SUMF1: variants seen among roughly 807,000 people sequenced by gnomAD.
SUMF1 encodes sulfatase modifying factor 1.
Under a neutral mutation model 47.6 loss-of-function variants are expected in SUMF1, and 48 were observed. The ratio of observed to expected loss-of-function variants is 1.01; its 90% CI spans 0.80 to 1.28. SUMF1 has a LOEUF of 1.28. SUMF1 is among the 50% of genes most tolerant of loss of function. SUMF1 has a pLI of 0.00. For missense variants in SUMF1, 571 were observed against 485.4 expected (o/e 1.18, Z -1.66); for synonymous variants, 230 against 192.1 (o/e 1.20, Z -1.63).
chr3:4,205,035 G>C (rs1307439966), intron 8 of SUMF1, among the ~76,000 whole-genome samples: 1 of 152,008 alleles, frequency 6.6e-6, no homozygotes, highest in African/African-American at 2.4e-5. Flanking sequence ...CTGAGCCCAA[G>C]CTAAGCCACC....
intron 8 of SUMF1, among the ~76,000 whole-genome samples, chr3:4,111,239 A>T (rs936367299): frequency 2.6e-5 from 4 of 151,980 alleles, no homozygotes; most frequent in East Asian, 1.9e-4. Flanking sequence ...ACTGAGTTTC[A>T]CTTCCCGCCA....
intron 8 of SUMF1, among the ~76,000 whole-genome samples, chr3:4,335,539 T>C (rs1260406001): frequency 6.6e-6 from 1 of 152,090 alleles, no homozygotes; most frequent in Non-Finnish European, 1.5e-5. Context: ...ATAAAGGAGT[T>C]CTGCAGCAGA....
Position 4,049,960 on chromosome 3 carries a change from G to A in SUMF1, c.1191+18609C>T, listed in dbSNP as rs946274505. On this transcript the variant is annotated intron_variant and NMD_transcript_variant, in intron 9 of 12. Coordinates refer to the SUMF1 transcript ENST00000448413. ...TCCCCTGGAGTTTGGCCATCCAGTA[G>A]CCAATCTCCTCTCTGACCATCCCCA... Among the ~76,000 whole-genome samples the A allele has an allele frequency of 2.0e-5, 3 of 152,004 alleles. No homozygotes were observed. In the South Asian group the frequency reaches 6.2e-4, roughly 32 times the overall value.
intron 8 of SUMF1, among the ~76,000 whole-genome samples, chr3:4,159,236 T>C (rs1027156120): frequency 2.0e-5 from 3 of 150,894 alleles, no homozygotes; most frequent in Non-Finnish European, 4.4e-5. Flanking sequence ...CTTTTCTTCC[T>C]GTCTTCCTTT....
At chr3:4,313,517 CTT>C (rs781757510) in intron 8 of SUMF1, 4 of 1,613,972 alleles carry the variant, frequency 2.5e-6, no homozygotes, top group East Asian at 2.2e-5. Flanking sequence ...GAAGAACTCT[CTT>C]ATGATTATTC....
chr3:4,231,918 A>G (rs1696307664), intron 8 of SUMF1, among the ~76,000 whole-genome samples: 2 of 152,176 alleles, frequency 1.3e-5, no homozygotes, highest in Non-Finnish European at 1.5e-5. Context: ...TACATGTTTT[A>G]TTAAGTCTAG....
intron 1 of SUMF1, among the ~76,000 whole-genome samples, chr3:4,454,637 G>C (rs1703092946): frequency 6.6e-6 from 1 of 152,148 alleles, no homozygotes; most frequent in African/African-American, 2.4e-5. Flanking sequence ...AACATTCATA[G>C]CAGCATTATT....
intron 8 of SUMF1, among the ~76,000 whole-genome samples, chr3:4,365,011 T>C (rs1385604276): frequency 1.3e-5 from 2 of 152,190 alleles, no homozygotes; most frequent in African/African-American, 2.4e-5. Flanking sequence ...TCAGTTTCCA[T>C]GTAGTTGAGC....
intron 8 of SUMF1, among the ~76,000 whole-genome samples, chr3:4,108,996 G>A (rs1693225031): frequency 6.6e-6 from 1 of 152,086 alleles, no homozygotes; most frequent in African/African-American, 2.4e-5. Flanking sequence ...TTGCTCATTA[G>A]TTGATGCAGT....
At chr3:4,211,202 A>ATATAT (rs1491496455) in intron 8 of SUMF1, among the ~76,000 whole-genome samples, 3 of 86,244 alleles carry the variant, frequency 3.5e-5, no homozygotes, top group Non-Finnish European at 7.0e-5. Flanking sequence ...ATACATACAT[A>ATATAT]CATATATATA....
chr3:4,316,491 G>A, intron 8 of SUMF1: 1 of 1,601,300 alleles, frequency 6.2e-7, no homozygotes, highest in Non-Finnish European at 8.5e-7. Context: ...AGAAGTTGCT[G>A]AAGAACTCAA....
At chr3:4,308,414 T>C in intron 8 of SUMF1, among the ~76,000 whole-genome samples, 1 of 152,328 alleles carries the variant, frequency 6.6e-6, no homozygotes, top group South Asian at 2.1e-4. Flanking sequence ...TGTTTAGTAA[T>C]GTAAAGTAAT....
rs144509292 is a variant in SUMF1 at position 4,113,026 on chromosome 3, G to A, written c.1015-44281C>T. Among the ~76,000 whole-genome samples, 8 of 152,188 alleles carry A rather than the reference G, an allele frequency of 5.3e-5. No homozygotes were observed. In the East Asian group the frequency reaches 1.5e-3, roughly 29 times the overall value. On this transcript the variant is annotated intron_variant and NMD_transcript_variant, in intron 8 of 12. Transcript: ENST00000448413. ...TATTTCCTGGTCCTCATCACTCATTGAGAAAATACATTTGGTAAAGCTGAT... is the reference window on the plus strand; with the variant it reads ...TATTTCCTGGTCCTCATCACTCATTAAGAAAATACATTTGGTAAAGCTGAT...
chr3:4,151,177 T>A (rs2686701), intron 8 of SUMF1, among the ~76,000 whole-genome samples: 2 of 150,056 alleles, frequency 1.3e-5, no homozygotes, highest in African/African-American at 5.0e-5. Context: ...CACACACACA[T>A]ACATGCAAAT....
At position 4,192,095 on chromosome 3, in the gene SUMF1, T is replaced by C. The variant is rs1159514170; in HGVS notation, c.1015-123350A>G. ...ATGTGAAAGGCAGGAGGTACACAAATACAGTCTGGGCTGAGCTTTGCCCAT... is the reference window on the plus strand; with the variant it reads ...ATGTGAAAGGCAGGAGGTACACAAACACAGTCTGGGCTGAGCTTTGCCCAT... On this transcript the variant is annotated intron_variant and NMD_transcript_variant, in intron 8 of 12. Transcript: ENST00000448413. Among the ~76,000 whole-genome samples, 3 of 152,184 alleles carry C rather than the reference T, an allele frequency of 2.0e-5. No homozygotes were observed. The South Asian group carries it at 6.2e-4, about 32-fold the overall frequency.
intron 3 of SUMF1, among the ~76,000 whole-genome samples, chr3:4,446,732 A>C (rs1702794157): frequency 6.6e-6 from 1 of 152,242 alleles, no homozygotes; most frequent in African/African-American, 2.4e-5. Flanking sequence ...CAGAGAGAAC[A>C]GATGAACTGC....
chr3:4,106,609 T>A (rs1303282870), intron 8 of SUMF1, among the ~76,000 whole-genome samples: 4 of 151,968 alleles, frequency 2.6e-5, no homozygotes, highest in Non-Finnish European at 5.9e-5. Flanking sequence ...AATAAAGAAA[T>A]AACGAGAAAC....
At chr3:4,366,866 T>C (rs1380006189) in intron 8 of SUMF1, among the ~76,000 whole-genome samples, 1 of 152,142 alleles carries the variant, frequency 6.6e-6, no homozygotes, top group African/African-American at 2.4e-5. Flanking sequence ...TTTTGGTGTT[T>C]GATGATGGTG....
chr3:4,351,350 T>C (rs1333021866), intron 8 of SUMF1, among the ~76,000 whole-genome samples: 1 of 152,150 alleles, frequency 6.6e-6, no homozygotes, highest in Non-Finnish European at 1.5e-5. Context: ...GCCACAGAGT[T>C]AGGAGAAGCA....
Sources: gnomAD v4.1 joint callset for allele counts (sites outside exome capture counted in the v4.1 genomes callset) on GRCh38, gnomAD v4.1.1 for gene constraint, MANE v1.5 for transcripts, NCBI Gene and HGNC (gene_info 2026-07-23, HGNC 2026-07-21) for gene names.